The following GYPE variants were observed in gnomAD, a reference collection of about 807,000 sequenced individuals.
GYPE encodes the protein glycophorin-E.
GYPE carries 8 observed loss-of-function variants against 11.6 expected under a neutral mutation model. The ratio of observed to expected loss-of-function variants is 0.69; its 90% CI spans 0.41 to 1.25. The LOEUF is 1.25. GYPE is among the 50% of genes most tolerant of loss of function. The pLI, the probability that GYPE is intolerant of heterozygous loss-of-function variation, is 0.01. For synonymous variants in GYPE, 28 were observed against 29.6 expected, an observed-to-expected ratio of 0.94 and a Z score of 0.18; for missense variants, 90 against 92.8, an observed-to-expected ratio of 0.97 and a Z score of 0.12.
intron 1 of GYPE, among the ~76,000 whole-genome samples, chr4:143,881,412 A>G (rs1183415516): frequency 6.6e-6 from 1 of 152,138 alleles, no homozygotes; most frequent in African/African-American, 2.4e-5. Context: ...AAATTTGGGA[A>G]CTACAAGAAA....
intron 1 of GYPE, among the ~76,000 whole-genome samples, chr4:143,883,528 T>C (rs1487834247): frequency 7.0e-6 from 1 of 143,620 alleles, no homozygotes; most frequent in Non-Finnish European, 1.5e-5. Flanking sequence ...TAATTAATAA[T>C]AACATGTAAT....
intron 1 of GYPE, among the ~76,000 whole-genome samples, chr4:143,890,665 A>C (rs186700446): frequency 6.6e-6 from 1 of 152,202 alleles, no homozygotes; most frequent in South Asian, 2.1e-4. Flanking sequence ...CCTGAGTTTC[A>C]AGGTCCATTC....
chr4:143,881,184 C>T (rs892940866), intron 1 of GYPE, among the ~76,000 whole-genome samples: 1 of 136,766 alleles, frequency 7.3e-6, no homozygotes, highest in African/African-American at 2.8e-5. Context: ...GAACGAGACT[C>T]CGTCTCAAAA....
chr4:143,894,160 T>C (rs954636588), intron 1 of GYPE, among the ~76,000 whole-genome samples: 2 of 151,916 alleles, frequency 1.3e-5, no homozygotes, highest in African/African-American at 2.4e-5. Context: ...TTCAACTCCA[T>C]CAGCTCCTTT....
At chr4:143,872,669 A>G (rs978291478) in intron 3 of GYPE, among the ~76,000 whole-genome samples, 3 of 152,170 alleles carry the variant, frequency 2.0e-5, no homozygotes, top group Non-Finnish European at 2.9e-5. Context: ...CTGAGGATAC[A>G]TCGTAAACAA....
chr4:143,876,130 T>G (rs1202980649), intron 3 of GYPE, among the ~76,000 whole-genome samples: 1 of 152,104 alleles, frequency 6.6e-6, no homozygotes, highest in Non-Finnish European at 1.5e-5. Flanking sequence ...TATTTATATA[T>G]TTATTGAGAC....
rs1004458711 is a variant in GYPE at position 143,871,627 on chromosome 4, G to A, written c.*635C>T. ...ATCCCACTTCACCTAATGAAGAAAA[G>A]GAGAAGGATGCACTTCATTCTTAGA... On this transcript the variant is annotated 3_prime_UTR_variant, in exon 4 of 4. Transcript: ENST00000358615. 2.0e-5 allele frequency: 3 copies of A among 152,150 alleles called. No individual in the cohort carries two copies. The highest frequency in any genetic ancestry group is 7.2e-5 in the African/African-American group (3 of 41,426). 9.4% of individuals were successfully genotyped at this position (152,150 alleles called of 1,614,324 possible).
chr4:143,897,197 G>T (rs545492669), intron 1 of GYPE, among the ~76,000 whole-genome samples: 23 of 152,112 alleles, frequency 1.5e-4, no homozygotes, highest in African/African-American at 5.3e-4. Flanking sequence ...GGTGTGGTGG[G>T]TCGTGCCTGT....
At chr4:143,895,041 C>A (rs912012594) in intron 1 of GYPE, among the ~76,000 whole-genome samples, 1 of 152,250 alleles carries the variant, frequency 6.6e-6, no homozygotes, top group East Asian at 1.9e-4. Context: ...AAACCCACAG[C>A]CAATATCATA....
chr4:143,896,047 A>G (rs1205178685), intron 1 of GYPE, among the ~76,000 whole-genome samples: 1 of 152,228 alleles, frequency 6.6e-6, no homozygotes, highest in African/African-American at 2.4e-5. Flanking sequence ...CTAAAACCAT[A>G]AAAACCCTAG....
At chr4:143,903,283 C>T (rs1058985) in intron 1 of GYPE, among the ~76,000 whole-genome samples, 2 of 151,424 alleles carry the variant, frequency 1.3e-5, no homozygotes, top group South Asian at 2.1e-4. Context: ...GCCCAACCTC[C>T]GTGTATCCTC....
chr4:143,901,153 T>C (rs1162862386), intron 1 of GYPE, among the ~76,000 whole-genome samples: 2 of 152,108 alleles, frequency 1.3e-5, no homozygotes, highest in Admixed American at 6.6e-5. Flanking sequence ...GTTGATCAAA[T>C]AACTGTTTAT....
chr4:143,887,578 G>A (rs1437007159), intron 1 of GYPE, among the ~76,000 whole-genome samples: 1 of 67,060 alleles, frequency 1.5e-5, no homozygotes, highest in Non-Finnish European at 3.6e-5. Context: ...GATGGGCAGA[G>A]TTTTAGGTGA....
intron 1 of GYPE, among the ~76,000 whole-genome samples, chr4:143,893,950 A>G (rs1455588845): frequency 2.0e-5 from 3 of 152,146 alleles, no homozygotes; most frequent in Non-Finnish European, 4.4e-5. Context: ...AGGTACACCA[A>G]TAAGATGCAG....
intron 3 of GYPE, among the ~76,000 whole-genome samples, chr4:143,876,050 G>GA (rs1578952110): frequency 1.3e-5 from 2 of 151,808 alleles, no homozygotes; most frequent in African/African-American, 4.8e-5. Context: ...GTGGAAATTT[G>GA]AAAAATCTGT....
At position 143,871,091 on chromosome 4, in the gene GYPE, C is replaced by G. The variant is rs1236150578; in HGVS notation, c.*1171G>C. The stretch of plus-strand genomic sequence containing the variant: ...GAGAATAGCACAGGGGAAACCACCG[C>G]AATGATTCAAGTACCTCCCACTGGG... On this transcript the variant is annotated 3_prime_UTR_variant, in exon 4 of 4. Coordinates refer to ENST00000358615, the MANE Select transcript of GYPE (RefSeq NM_198682.3). 1.3e-5 allele frequency: 2 copies of G among 149,484 alleles called. No individual in the cohort carries two copies. The highest frequency in any genetic ancestry group is 2.9e-5 in the Non-Finnish European group (2 of 68,008). 9.3% of individuals were successfully genotyped at this position (149,484 alleles called of 1,614,324 possible).
intron 2 of GYPE, among the ~76,000 whole-genome samples, chr4:143,878,278 A>G (rs1030783739): frequency 1.2e-4 from 18 of 152,136 alleles, no homozygotes; most frequent in Non-Finnish European, 2.4e-4. Flanking sequence ...AGCTGAGACT[A>G]TAGGTGCATG....
At position 143,871,152 on chromosome 4, in the gene GYPE, A is replaced by G. The variant is rs1199291026; in HGVS notation, c.*1110T>C. 1 of 151,532 alleles carries G rather than the reference A, an allele frequency of 6.6e-6. No homozygotes were observed. The highest frequency in any genetic ancestry group is 1.5e-5 in the Non-Finnish European group (1 of 68,042). 9.4% of individuals were successfully genotyped at this position (151,532 alleles called of 1,614,324 possible). A position where few individuals can be genotyped will look rare whatever the true frequency, so the allele number is the denominator to read the frequency against. On this transcript the variant is annotated 3_prime_UTR_variant, in exon 4 of 4. Coordinates refer to ENST00000358615, the MANE Select transcript of GYPE (RefSeq NM_198682.3). Reference sequence around the variant, plus strand: ...GACATGTGGGGATTATTGGAACTACAATTCAAGATGAGATTTGAGTGGGAA... The same window carrying G: ...GACATGTGGGGATTATTGGAACTACGATTCAAGATGAGATTTGAGTGGGAA...
intron 1 of GYPE, among the ~76,000 whole-genome samples, chr4:143,897,237 G>C (rs1479935775): frequency 6.6e-6 from 1 of 152,110 alleles, no homozygotes; most frequent in African/African-American, 2.4e-5. Context: ...GCCAAGGCAG[G>C]AGGATTGCTT....
Sources: allele counts gnomAD v4.1 joint callset (sites outside exome capture counted in the v4.1 genomes callset), GRCh38; gene constraint gnomAD v4.1.1; transcripts MANE v1.5; gene names NCBI Gene and HGNC (gene_info 2026-07-23, HGNC 2026-07-21).